The following NPC1 variants were observed in gnomAD, a reference collection of about 807,000 sequenced individuals.
NPC1 encodes Niemann-Pick C1 protein.
Under a neutral mutation model 140.4 loss-of-function variants are expected in NPC1, and 85 were observed. That is an observed-to-expected ratio of 0.61 (90% CI 0.51 to 0.72). The LOEUF is 0.72. Ranked by LOEUF, NPC1 falls within the 30% of genes least tolerant of loss-of-function variation. NPC1 has a pLI of 0.00. For missense variants in NPC1, 1,504 were observed against 1,623.8 expected (o/e 0.93, Z 1.27); for synonymous variants, 656 against 624.8 (o/e 1.05, Z -0.74).
chr18:23,553,573 C>T (rs1354558946), intron 9 of NPC1, among the ~76,000 whole-genome samples: 1 of 152,170 alleles, frequency 6.6e-6, no homozygotes, highest in Non-Finnish European at 1.5e-5. Flanking sequence ...GTCGGCTGAG[C>T]AGTGTCCTTA....
Position 23,538,539 on chromosome 18 carries a change from TA to T in NPC1, c.3041+2del, listed in dbSNP as rs2058665849. 1 of 1,614,140 alleles carries T rather than the reference TA, an allele frequency of 6.2e-7. No individual in the cohort carries two copies. The highest frequency in any genetic ancestry group is 8.5e-7 in the Non-Finnish European group (1 of 1,179,994). On this transcript the variant is annotated splice_donor_variant, in intron 20 of 24. Coordinates refer to ENST00000269228, the MANE Select transcript of NPC1 (RefSeq NM_000271.5). LOFTEE classifies it high-confidence loss of function. ...GCTTATCTGCAATGGCAGCAGCACT[TA>T]CCCTTTGCCACACTTGGGGTTAGGG...
At chr18:23,577,327 G>A (rs1239123425) in intron 1 of NPC1, among the ~76,000 whole-genome samples, 1 of 136,014 alleles carries the variant, frequency 7.4e-6, no homozygotes, top group Non-Finnish European at 1.5e-5. Context: ...CTAGAGTGTC[G>A]ATTGGTGCAC....
chr18:23,556,379 T>C lies in NPC1; in HGVS notation c.1190A>G (p.Gln397Arg), dbSNP rs754746184. 2 of 1,614,026 alleles carry C rather than the reference T, an allele frequency of 1.2e-6. No individual in the cohort carries two copies. The highest frequency in any genetic ancestry group is 2.7e-5 in the African/African-American group (2 of 74,910). Reference sequence around the variant, plus strand: ...CGTCCGGAAGAAAGGCCCAAAGTGCTGGTCAAAGTACTCTTTTTCCAGGCG... The same window carrying C: ...CGTCCGGAAGAAAGGCCCAAAGTGCCGGTCAAAGTACTCTTTTTCCAGGCG... ...QARLEKEYFD[Q>R]HFGPFFRTEQ... Residue 397 changes from glutamine (Q) to arginine (R), a missense_variant, in exon 8 of 25, where the codon CAG becomes CGG. Physicochemically the swap from Gln to Arg is conservative, Grantham distance 43. Coordinates refer to ENST00000269228, the MANE Select transcript of NPC1 (RefSeq NM_000271.5).
At chr18:23,545,180 G>C (rs988161080) in intron 11 of NPC1, 31 bp from the exon 12 acceptor site, 1 of 1,485,580 alleles carries the variant, frequency 6.7e-7, no homozygotes, top group Non-Finnish European at 9.4e-7. Flanking sequence ...TATATTTTTA[G>C]TTAAACTAAC....
intron 24 of NPC1, chr18:23,533,080 A>G: frequency 1.5e-6 from 1 of 664,342 alleles, no homozygotes; most frequent in Non-Finnish European, 2.2e-6. Flanking sequence ...GCTGACACTC[A>G]GATCCATTCA....
chr18:23,513,841 T>C (rs892264526), intron 3 of NPC1, among the ~76,000 whole-genome samples: 2 of 152,258 alleles, frequency 1.3e-5, no homozygotes, highest in African/African-American at 4.8e-5. Context: ...GAGAAATGAC[T>C]AATTCGGGTC....
chr18:23,525,727 A>AT (rs975127201), downstream of NPC1, among the ~76,000 whole-genome samples: 102 of 149,292 alleles, frequency 6.8e-4, no homozygotes, highest in Middle Eastern at 3.5e-3. Context: ...CCGGCCTATA[A>AT]TTTTTTTTTT....
In NPC1 at chr18:23,545,404, G is replaced by A. The variant is rs1032847797; in HGVS notation, c.1758-255C>T. On this transcript the variant is annotated intron_variant, in intron 11 of 24. Coordinates refer to ENST00000269228, the MANE Select transcript of NPC1 (RefSeq NM_000271.5). ...ACTCCAGGCGTGCGCCACCAGGCCC[G>A]GCTAATTTTGGTATTTTTAGTAGAG... 5.3e-5 allele frequency among the ~76,000 whole-genome samples: 8 copies of A among 152,082 alleles called. No individual in the cohort carries two copies. In the South Asian group the frequency reaches 6.2e-4, roughly 12 times the overall value.
At chr18:23,584,971 C>T (rs1300497607) in intron 1 of NPC1, among the ~76,000 whole-genome samples, 2 of 152,172 alleles carry the variant, frequency 1.3e-5, no homozygotes, top group African/African-American at 4.8e-5. Flanking sequence ...TGCTTGAGGC[C>T]AGGAGTTCCA....
At chr18:23,525,110 C>A (rs1036142333), downstream of NPC1, among the ~76,000 whole-genome samples, 8 of 151,366 alleles carry the variant, frequency 5.3e-5, no homozygotes, top group Non-Finnish European at 1.2e-4. Flanking sequence ...CCACGCCCAG[C>A]TAATTTTGTA....
rs777848348 is a variant in NPC1, at chr18:23,573,509, A to G, written c.123T>C (p.Asn41=). Reference sequence around the variant, plus strand: ...GTTTTGGTGGGCCAGAATATTCGCAATTGTACCTCTTGTCCCCATATGCAA... The same window carrying G: ...GTTTTGGTGGGCCAGAATATTCGCAGTTGTACCTCTTGTCCCCATATGCAA... ...CGIAYGDKRY[N]CEYSGPPKPL... is the part of the protein sequence containing the mutation. Residue 41 remains asparagine, a synonymous_variant, in exon 2 of 25, where the codon AAT becomes AAC. Coordinates refer to ENST00000269228, the MANE Select transcript of NPC1 (RefSeq NM_000271.5). 3.7e-5 allele frequency: 60 copies of G among 1,614,152 alleles called. No homozygotes were observed. Among genetic ancestry groups the G allele is most frequent in the Non-Finnish European group, 4.5e-5 (53 of 1,180,014 alleles).
chr18:23,571,765 G>A, intron 3 of NPC1, among the ~76,000 whole-genome samples: 1 of 151,902 alleles, frequency 6.6e-6, no homozygotes, highest in Non-Finnish European at 1.5e-5. Context: ...CTGGAGCCTA[G>A]GAAGTTTAAG....
At chr18:23,556,132 G>T in intron 8 of NPC1, 111 bp downstream of exon 8, 1 of 966,846 alleles carries the variant, frequency 1.0e-6, no homozygotes. Flanking sequence ...AGATTTTCAA[G>T]ATATACCATG....
chr18:23,526,528 C>A (rs2058302425), downstream of NPC1: 1 of 1,383,238 alleles, frequency 7.2e-7, no homozygotes, highest in East Asian at 2.3e-5. Context: ...TACTTTGCGG[C>A]TTTTTATCAC....
downstream of NPC1, among the ~76,000 whole-genome samples, chr18:23,518,698 T>C (rs1208380042): frequency 6.6e-6 from 1 of 152,242 alleles, no homozygotes; most frequent in Non-Finnish European, 1.5e-5. Context: ...AAGCTGTGTT[T>C]AGTGTGTGTT....
rs542056167 is a variant in NPC1, at chr18:23,576,466, G to T, written c.58-2892C>A. 284 of 985,986 alleles carry T rather than the reference G, an allele frequency of 2.9e-4. 6 individuals are homozygous for T. In the South Asian group the frequency reaches 0.012, roughly 42 times the overall value. 61.1% of individuals were successfully genotyped at this position (985,986 alleles called of 1,614,324 possible). On this transcript the variant is annotated intron_variant, in intron 1 of 24. Coordinates refer to ENST00000269228, the MANE Select transcript of NPC1 (RefSeq NM_000271.5). ...CGAAAGAAGCAACCTAAGCCAGCAG[G>T]ACCCAAAGACTTACAAAGCACTGGC...
intron 24 of NPC1, among the ~76,000 whole-genome samples, chr18:23,532,695 C>T (rs976014373): frequency 1.1e-4 from 15 of 136,810 alleles, no homozygotes; most frequent in Non-Finnish European, 1.7e-4. Flanking sequence ...GTGCTCATCT[C>T]TTTTTTTTTT....
At chr18:23,549,054 G>A (rs115610585) in intron 10 of NPC1, among the ~76,000 whole-genome samples, 1,597 of 151,990 alleles carry the variant, frequency 0.011, 20 homozygotes, top group African/African-American at 0.036. Flanking sequence ...CTCCCAAAGT[G>A]CTGGGATTAT....
rs73392108 is a variant in NPC1, at chr18:23,533,152, C to A, written c.3754+203G>T. 2,888 of 678,410 alleles carry A rather than the reference C, an allele frequency of 4.3e-3. 62 individuals are homozygous for A. In the African/African-American group the frequency reaches 0.048, roughly 11 times the overall value. 42.0% of individuals were successfully genotyped at this position (678,410 alleles called of 1,614,324 possible). A position where few individuals can be genotyped will look rare whatever the true frequency, so the allele number is the denominator to read the frequency against. On this transcript the variant is annotated intron_variant, in intron 24 of 24. Transcript: ENST00000269228. Reference sequence around the variant, plus strand: ...AGGCCTCCAGAAAAAACATCGACAACTTCCTAATAAAGTAGTCTGCACCAT... The same window carrying A: ...AGGCCTCCAGAAAAAACATCGACAAATTCCTAATAAAGTAGTCTGCACCAT...
Sources: allele counts gnomAD v4.1 joint callset (sites outside exome capture counted in the v4.1 genomes callset), GRCh38; gene constraint gnomAD v4.1.1; transcripts MANE v1.5; gene names NCBI Gene and HGNC (gene_info 2026-07-23, HGNC 2026-07-21).